Variants in ESYT2 observed in about 807,000 individuals in gnomAD.
ESYT2 encodes extended synaptotagmin-2.
A neutral mutation model predicts 107.2 loss-of-function variants in ESYT2; 54 were observed. That is an observed-to-expected ratio of 0.50 (90% confidence interval 0.40 to 0.63). The LOEUF is 0.63. Among genes scored for constraint, ESYT2 ranks in the 30% least tolerant of loss-of-function variants. The pLI, the probability that ESYT2 is intolerant of heterozygous loss-of-function variation, is 0.00. For synonymous variants in ESYT2, 491 were observed against 434.1 expected (o/e 1.13, Z -1.63); for missense variants, 1,020 against 1,094.5 (o/e 0.93, Z 0.96).
chr7:158,822,469 G>A (rs533955576), intron 1 of ESYT2, among the ~76,000 whole-genome samples: 14 of 152,196 alleles, frequency 9.2e-5, no homozygotes, highest in African/African-American at 3.1e-4. Flanking sequence ...CGTGTTTAAG[G>A]GACTATTAGA....
At chr7:158,759,731 T>A (rs1348048727) in intron 12 of ESYT2, 150 bp from the exon 13 acceptor site, 10 of 639,250 alleles carry the variant, frequency 1.6e-5, no homozygotes, top group Non-Finnish European at 2.4e-5. Context: ...AAACAATAAA[T>A]GCCTTTTAAA....
chr7:158,763,240 T>C (rs1363597991), intron 9 of ESYT2, 75 bp from the exon 10 acceptor site: 15 of 946,098 alleles, frequency 1.6e-5, no homozygotes, highest in East Asian at 2.7e-5. Context: ...ATGATGATTG[T>C]AGTAAATATG....
chr7:158,736,102 A>G (rs891791704), intron 20 of ESYT2, among the ~76,000 whole-genome samples: 2 of 152,216 alleles, frequency 1.3e-5, no homozygotes, highest in African/African-American at 2.4e-5. Context: ...ACGCTGCACT[A>G]AAGTGCCTGC....
chr7:158,813,874 T>A (rs1485445211), intron 1 of ESYT2, among the ~76,000 whole-genome samples: 1 of 151,342 alleles, frequency 6.6e-6, no homozygotes, highest in Non-Finnish European at 1.5e-5. Flanking sequence ...AAAAACGTTT[T>A]AAAAATATAC....
At chr7:158,806,455 T>G (rs541130254) in intron 1 of ESYT2, among the ~76,000 whole-genome samples, 1 of 152,318 alleles carries the variant, frequency 6.6e-6, no homozygotes, top group African/African-American at 2.4e-5. Flanking sequence ...TTAAGCCCCC[T>G]TTTAGTGCAT....
intron 7 of ESYT2, among the ~76,000 whole-genome samples, chr7:158,770,569 C>CAGTGGCGCG (rs1838328903): frequency 6.6e-6 from 1 of 151,608 alleles, no homozygotes; most frequent in Non-Finnish European, 1.5e-5. Context: ...GGCTGGAGTG[C>CAGTGGCGCG]AGTGGCGCGA....
At chr7:158,789,954 C>T (rs1426777987) in intron 4 of ESYT2, among the ~76,000 whole-genome samples, 2 of 152,180 alleles carry the variant, frequency 1.3e-5, no homozygotes, top group Non-Finnish European at 2.9e-5. Flanking sequence ...GACTCAAACT[C>T]GCTCGGTGCT....
At chr7:158,744,922 T>C (rs1327097177) in intron 16 of ESYT2, among the ~76,000 whole-genome samples, 1 of 152,224 alleles carries the variant, frequency 6.6e-6, no homozygotes, top group Non-Finnish European at 1.5e-5. Context: ...TGTGGAACTT[T>C]AAAAATTATT....
chr7:158,825,812 T>C (rs1260693328), intron 1 of ESYT2, among the ~76,000 whole-genome samples: 1 of 152,170 alleles, frequency 6.6e-6, no homozygotes. Flanking sequence ...GATGTACAGA[T>C]ACATCTTGTT....
In ESYT2 at chr7:158,733,176, A is replaced by T. The variant is rs772975729; in HGVS notation, c.*1031T>A. The T allele has an allele frequency of 6.6e-5, 10 of 152,228 alleles. No individual in the cohort carries two copies. Among genetic ancestry groups the T allele is most frequent in the Admixed American group, 5.2e-4 (8 of 15,280 alleles). 9.4% of individuals were successfully genotyped at this position (152,228 alleles called of 1,614,324 possible). A position where few individuals can be genotyped will look rare whatever the true frequency, so the allele number is the denominator to read the frequency against. ...GGTCCCACATCCTATGTGTGAGGTC[A>T]CACTGGGGGTTCCTGACAATAATGA... On this transcript the variant is annotated 3_prime_UTR_variant, in exon 23 of 23. Transcript: ENST00000275418.
At chr7:158,742,824 TTCTAGAAG>T (rs2129471404) in intron 17 of ESYT2, among the ~76,000 whole-genome samples, 1 of 152,332 alleles carries the variant, frequency 6.6e-6, no homozygotes, top group Admixed American at 6.5e-5. Context: ...AAAGTCAGGT[TTCTAGAAG>T]AAAGGCCAAG....
At position 158,803,851 on chromosome 7, in the gene ESYT2, G is replaced by C. The variant is rs1221523886; in HGVS notation, c.331-4779C>G. On this transcript the variant is annotated intron_variant, in intron 1 of 22. Transcript: ENST00000275418. ...CGCGACAAACCCAAACCGTCGAGAAGGGTGAGGCGCGCGACAAACCCAAAC... is the reference window on the plus strand; with the variant it reads ...CGCGACAAACCCAAACCGTCGAGAACGGTGAGGCGCGCGACAAACCCAAAC... Among the ~76,000 whole-genome samples, 7 of 106,000 alleles carry C rather than the reference G, an allele frequency of 6.6e-5. 1 individual carries two copies. The East Asian group carries it at 2.0e-3, about 30-fold the overall frequency. The allele number at this position is 106,000 out of a possible 152,430, so 69.5% of individuals were successfully genotyped here. A position where few individuals can be genotyped will look rare whatever the true frequency, so the allele number is the denominator to read the frequency against.
Position 158,797,927 on chromosome 7 carries a change from T to C in ESYT2, c.507+15A>G, listed in dbSNP as rs751152662. 18 of 1,612,798 alleles carry C rather than the reference T, an allele frequency of 1.1e-5. No individual in the cohort carries two copies. Among genetic ancestry groups the C allele is most frequent in the Non-Finnish European group, 1.4e-5 (17 of 1,179,646 alleles). On this transcript the variant is annotated intron_variant, in intron 3 of 22. Coordinates refer to ENST00000275418, the MANE Select transcript of ESYT2 (RefSeq NM_001367773.1). ...CTGACTGTGTGCACGTGAGGATACT[T>C]AAGAGAACACTGACCTGCTGGCCCA... is the stretch of plus-strand genomic sequence containing the variant.
intron 1 of ESYT2, among the ~76,000 whole-genome samples, chr7:158,823,523 T>A (rs1271350449): frequency 4.0e-5 from 6 of 151,806 alleles, no homozygotes; most frequent in African/African-American, 1.5e-4. Context: ...AGACGGGGTC[T>A]CACCGTGTTA....
At chr7:158,762,490 T>C (rs987667062) in intron 10 of ESYT2, among the ~76,000 whole-genome samples, 1 of 152,256 alleles carries the variant, frequency 6.6e-6, no homozygotes, top group Non-Finnish European at 1.5e-5. Context: ...CCTACATCTT[T>C]TTTGCCACAA....
chr7:158,750,713 CCT>C (rs1167517059), intron 14 of ESYT2, among the ~76,000 whole-genome samples: 4 of 149,306 alleles, frequency 2.7e-5, no homozygotes, highest in Middle Eastern at 3.4e-3. Flanking sequence ...TAATTTCCCC[CCT>C]AAGTTAATTT....
In ESYT2 at chr7:158,798,054, A is replaced by T; in HGVS notation, c.395T>A (p.Phe132Tyr). The T allele has an allele frequency of 1.9e-6, 3 of 1,614,192 alleles. No homozygotes were observed. Among genetic ancestry groups the T allele is most frequent in the Non-Finnish European group, 2.5e-6 (3 of 1,180,028 alleles). ...LNKTVKHMWP[F>Y]ICQFIEKLFR... is the part of the protein sequence containing the mutation. ...CAACTTCTCTATAAATTGGCAAATG[A>T]AAGGCCACATGTGTTTTACAGTCTG... Residue 132 changes from phenylalanine (F) to tyrosine (Y), a missense_variant, in exon 3 of 23, where the codon TTC (phenylalanine) becomes TAC (tyrosine). Phe to Tyr is a conservative substitution (Grantham distance 22, BLOSUM62 3). Coordinates refer to ENST00000275418, the MANE Select transcript of ESYT2 (RefSeq NM_001367773.1).
At chr7:158,828,968 G>A in intron 1 of ESYT2, 121 bp downstream of exon 1, 1 of 1,417,282 alleles carries the variant, frequency 7.1e-7, no homozygotes, top group South Asian at 1.5e-5. Context: ...GCGGGAGCCG[G>A]GGCAGGGCTG....
chr7:158,806,091 G>C lies in ESYT2; in HGVS notation c.331-7019C>G, dbSNP rs959385089. On this transcript the variant is annotated intron_variant, in intron 1 of 22. Transcript: ENST00000275418. ...GGGCACACCGCGTGGGAGGCGCCGGGGCACACCGCGTGGGAGGCGCCGGGG... is the reference window on the plus strand; with the variant it reads ...GGGCACACCGCGTGGGAGGCGCCGGCGCACACCGCGTGGGAGGCGCCGGGG... Among the ~76,000 whole-genome samples, 707 of 152,026 alleles carry C rather than the reference G, an allele frequency of 4.7e-3. 4 individuals are homozygous for C. Among genetic ancestry groups the C allele is most frequent in the African/African-American group, 0.014 (583 of 41,456 alleles).
Sources: allele counts gnomAD v4.1 joint callset (sites outside exome capture counted in the v4.1 genomes callset), GRCh38; gene constraint gnomAD v4.1.1; transcripts MANE v1.5; gene names NCBI Gene and HGNC (gene_info 2026-07-23, HGNC 2026-07-21).